The following ZBBX variants were observed in gnomAD, a reference collection of about 807,000 sequenced individuals.
The protein encoded by ZBBX is zinc finger B-box domain-containing protein 1.
A neutral mutation model predicts 108.5 loss-of-function variants in ZBBX; 101 were observed. The ratio of observed to expected loss-of-function variants is 0.93; its 90% confidence interval spans 0.79 to 1.10. The LOEUF is 1.10. Ranked by LOEUF, ZBBX falls within the 50% of genes least tolerant of loss-of-function variation. The pLI, the probability that ZBBX is intolerant of heterozygous loss-of-function variation, is 0.00. For missense variants in ZBBX, 1,009 were observed against 941.4 expected (o/e 1.07, Z -0.94); for synonymous variants, 356 against 323.4 (o/e 1.10, Z -1.08).
intron 1 of ZBBX, among the ~76,000 whole-genome samples, chr3:167,406,576 C>T (rs1056196875): frequency 6.6e-6 from 1 of 151,956 alleles, no homozygotes; most frequent in Non-Finnish European, 1.5e-5. Flanking sequence ...AAAGAATTAG[C>T]CAGTCACAAA....
intron 20 of ZBBX, among the ~76,000 whole-genome samples, chr3:167,269,446 T>C (rs1726148621): frequency 6.6e-6 from 1 of 152,204 alleles, no homozygotes; most frequent in Non-Finnish European, 1.5e-5. Flanking sequence ...TCTTATAAGT[T>C]AGTCTAAAAG....
intron 16 of ZBBX, among the ~76,000 whole-genome samples, chr3:167,306,160 T>C (rs1042687061): frequency 1.3e-5 from 2 of 152,180 alleles, no homozygotes; most frequent in East Asian, 1.9e-4. Context: ...CAAACATTAA[T>C]GAGCTAGACT....
At chr3:167,386,424 T>G (rs942464774) in intron 1 of ZBBX, among the ~76,000 whole-genome samples, 1 of 152,026 alleles carries the variant, frequency 6.6e-6, no homozygotes, top group African/African-American at 2.4e-5. Context: ...ATAAGGAAAC[T>G]CCAAAGTATA....
Position 167,314,050 on chromosome 3 carries a change from A to C in ZBBX, c.1341T>G (p.Val447=). The C allele has an allele frequency of 1.2e-6, 2 of 1,607,956 alleles. No homozygotes were observed. Among genetic ancestry groups the C allele is most frequent in the Non-Finnish European group, 1.7e-6 (2 of 1,176,932 alleles). ...AGAAGTCTCTCTTTCCCTTATCGAA[A>C]ACATGATGTTGATGGATGCCATTTT... is the stretch of plus-strand genomic sequence containing the variant. The part of the protein sequence containing the change: ...PYENGIHQHH[V]FDKGKRDFLN... The change falls in exon 16 of 22, where the codon GTT becomes GTG. Residue 447 remains valine (V), a synonymous_variant. Transcript: ENST00000675490.
At chr3:167,345,524 C>T (rs1280718101) in intron 9 of ZBBX, among the ~76,000 whole-genome samples, 6 of 151,700 alleles carry the variant, frequency 4.0e-5, no homozygotes, top group African/African-American at 1.5e-4. Context: ...AAAATATTTA[C>T]ATACCTGGAC....
chr3:167,302,657 C>T (rs1213082763), intron 17 of ZBBX, among the ~76,000 whole-genome samples: 5 of 152,160 alleles, frequency 3.3e-5, no homozygotes, highest in Non-Finnish European at 5.9e-5. Flanking sequence ...ATCCTACGTG[C>T]AAGCCTGTTA....
chr3:167,335,189 T>C (rs2108411579), intron 9 of ZBBX, among the ~76,000 whole-genome samples: 1 of 152,270 alleles, frequency 6.6e-6, no homozygotes, highest in East Asian at 1.9e-4. Flanking sequence ...AAAAAACATA[T>C]ATATTTTAAT....
the ZBBX span, among the ~76,000 whole-genome samples, chr3:167,189,189 C>T: frequency 6.6e-6 from 1 of 151,998 alleles, no homozygotes; most frequent in African/African-American, 2.4e-5. Flanking sequence ...AGTACCTGTC[C>T]GCTATATCCT....
chr3:167,271,108 C>A (rs115574736), intron 20 of ZBBX, among the ~76,000 whole-genome samples: 2,127 of 152,290 alleles, frequency 0.014, 26 homozygotes, highest in South Asian at 0.026. Context: ...TGTTTGCACT[C>A]ATCCAAGCTT....
At chr3:167,346,690 A>G (rs1372106630) in intron 9 of ZBBX, among the ~76,000 whole-genome samples, 1 of 151,910 alleles carries the variant, frequency 6.6e-6, no homozygotes, top group East Asian at 1.9e-4. Context: ...TATGACTTTA[A>G]TGGTTAACAA....
At chr3:167,180,591 A>G in the ZBBX span, among the ~76,000 whole-genome samples, 1 of 152,244 alleles carries the variant, frequency 6.6e-6, no homozygotes, top group Non-Finnish European at 1.5e-5. Context: ...AATGAATAAC[A>G]TAACACTGTG....
At chr3:167,344,511 C>T (rs946648010) in intron 9 of ZBBX, among the ~76,000 whole-genome samples, 1 of 151,782 alleles carries the variant, frequency 6.6e-6, no homozygotes, top group South Asian at 2.1e-4. Context: ...TCACCAGAGT[C>T]TGCCTGTGTT....
intron 1 of ZBBX, chr3:167,392,886 A>G (rs140039922): frequency 2.0e-5 from 3 of 152,026 alleles, no homozygotes; most frequent in Admixed American, 2.0e-4. Context: ...TGTTTAGTGT[A>G]CCAATCTGAA....
the ZBBX span, among the ~76,000 whole-genome samples, chr3:167,208,131 G>GGGGGAGTCACCCA: frequency 6.6e-6 from 1 of 152,142 alleles, no homozygotes; most frequent in Non-Finnish European, 1.5e-5. Context: ...CCCTAGGCAT[G>GGGGGAGTCACCCA]GGGGAGTCAC....
intron 9 of ZBBX, among the ~76,000 whole-genome samples, chr3:167,345,007 T>C (rs770800124): frequency 3.3e-5 from 5 of 152,016 alleles, no homozygotes; most frequent in East Asian, 1.9e-4. Flanking sequence ...TTCACTGATA[T>C]AACAACTTAA....
chr3:167,325,587 T>G (rs938827665), intron 11 of ZBBX, among the ~76,000 whole-genome samples: 2 of 152,106 alleles, frequency 1.3e-5, no homozygotes, highest in Non-Finnish European at 2.9e-5. Flanking sequence ...GCATTGCACT[T>G]CTTCATCCAA....
chr3:167,263,794 G>T (rs1039104374), intron 20 of ZBBX, among the ~76,000 whole-genome samples: 10 of 152,290 alleles, frequency 6.6e-5, no homozygotes, highest in East Asian at 5.8e-4. Flanking sequence ...TTCAAGATCT[G>T]CCCAATGCAG....
chr3:167,256,665 T>C (rs1227314156), intron 20 of ZBBX, among the ~76,000 whole-genome samples: 1 of 147,820 alleles, frequency 6.8e-6, no homozygotes, highest in African/African-American at 2.5e-5. Flanking sequence ...CTATTTTCTA[T>C]CTCAATGAGT....
chr3:167,201,592 GA>G, the ZBBX span, among the ~76,000 whole-genome samples: 4 of 152,044 alleles, frequency 2.6e-5, no homozygotes, highest in Admixed American at 2.0e-4. Context: ...AAACAAATCA[GA>G]AACTCATCAT....
Sources: allele counts gnomAD v4.1 joint callset (sites outside exome capture counted in the v4.1 genomes callset), GRCh38; gene constraint gnomAD v4.1.1; transcripts MANE v1.5; gene names NCBI Gene and HGNC (gene_info 2026-07-23, HGNC 2026-07-21).